AUTS2: variants seen among roughly 807,000 people sequenced by gnomAD.
AUTS2 encodes the protein autism susceptibility gene 2 protein.
In AUTS2, 17 loss-of-function variants were observed where a neutral mutation model predicts 112.4. The ratio of observed to expected loss-of-function variants is 0.15; its 90% confidence interval spans 0.10 to 0.23. AUTS2 has a LOEUF of 0.23. AUTS2 is among the 10% of genes least tolerant of loss of function. AUTS2 has a pLI of 1.00. For synonymous variants in AUTS2, 751 were observed against 702.7 expected (o/e 1.07, Z -1.09); for missense variants, 1,510 against 1,701.6 (o/e 0.89, Z 1.98).
At chr7:70,216,959 G>T (rs949496898) in intron 4 of AUTS2, among the ~76,000 whole-genome samples, 2 of 152,042 alleles carry the variant, frequency 1.3e-5, no homozygotes, top group African/African-American at 4.8e-5. Flanking sequence ...ACCCAGGCTG[G>T]AGTGCAGTGG....
At chr7:69,828,317 A>G (rs1791345558) in intron 1 of AUTS2, among the ~76,000 whole-genome samples, 1 of 152,222 alleles carries the variant, frequency 6.6e-6, no homozygotes, top group Admixed American at 6.5e-5. Flanking sequence ...GAAGAGAAGT[A>G]TAATTTCTAT....
intron 1 of AUTS2, among the ~76,000 whole-genome samples, chr7:69,851,288 C>G (rs1792469421): frequency 6.6e-6 from 1 of 152,162 alleles, no homozygotes; most frequent in South Asian, 2.1e-4. Context: ...AGTGATTCCT[C>G]TTACTGTATT....
intron 1 of AUTS2, among the ~76,000 whole-genome samples, chr7:69,683,158 C>T (rs1796883420): frequency 6.6e-6 from 1 of 152,136 alleles, no homozygotes; most frequent in Admixed American, 6.5e-5. Flanking sequence ...ATTGGTTTGA[C>T]CAGGCTTGTC....
At chr7:69,887,968 G>A (rs1337985249) in intron 1 of AUTS2, among the ~76,000 whole-genome samples, 1 of 151,974 alleles carries the variant, frequency 6.6e-6, no homozygotes, top group Non-Finnish European at 1.5e-5. Context: ...TGGTTTATCC[G>A]GGATATGGAT....
rs534670121 is a variant in AUTS2, at chr7:69,984,533, AT to A, written c.522+85044del. ...GAGTTATTAGGACCAGTGAGCATGC[AT>A]TTTTTTTTACCGTCTTGATTGTATT... On this transcript the variant is annotated intron_variant, in intron 2 of 18. Transcript: ENST00000342771. 5.7e-3 allele frequency among the ~76,000 whole-genome samples: 853 copies of A among 150,684 alleles called. 5 individuals are homozygous for A. Among genetic ancestry groups the A allele is most frequent in the Non-Finnish European group, 9.3e-3 (632 of 67,610 alleles).
At chr7:70,323,384 C>T (rs1790344404) in intron 4 of AUTS2, among the ~76,000 whole-genome samples, 1 of 152,052 alleles carries the variant, frequency 6.6e-6, no homozygotes, top group Non-Finnish European at 1.5e-5. Flanking sequence ...CCAGTGTACG[C>T]CTTGTCACCC....
At chr7:69,988,040 T>C (rs1259510191) in intron 2 of AUTS2, among the ~76,000 whole-genome samples, 6 of 152,180 alleles carry the variant, frequency 3.9e-5, no homozygotes, top group Non-Finnish European at 7.3e-5. Flanking sequence ...AGATAATACA[T>C]CTACAGCCTT....
chr7:70,237,566 A>G (rs758138375), intron 4 of AUTS2, among the ~76,000 whole-genome samples: 4 of 152,186 alleles, frequency 2.6e-5, no homozygotes, highest in East Asian at 1.9e-4. Flanking sequence ...AATACCTTCA[A>G]AATACCAAAT....
chr7:70,521,670 A>T (rs1036305803), intron 5 of AUTS2, among the ~76,000 whole-genome samples: 1 of 152,240 alleles, frequency 6.6e-6, no homozygotes, highest in Non-Finnish European at 1.5e-5. Flanking sequence ...TTTGATTAGG[A>T]CATGAGAAGT....
intron 1 of AUTS2, among the ~76,000 whole-genome samples, chr7:69,764,227 G>C (rs181045348): frequency 6.6e-6 from 1 of 152,264 alleles, no homozygotes; most frequent in African/African-American, 2.4e-5. Context: ...GGTGAATACT[G>C]GACAGTAATT....
At chr7:70,518,555 G>T (rs371994436) in intron 5 of AUTS2, among the ~76,000 whole-genome samples, 3 of 152,140 alleles carry the variant, frequency 2.0e-5, no homozygotes, top group Non-Finnish European at 2.9e-5. Flanking sequence ...GTGGTGGCGG[G>T]TGCCTGTAGT....
chr7:70,060,373 A>G (rs1346488497), intron 2 of AUTS2, among the ~76,000 whole-genome samples: 1 of 152,228 alleles, frequency 6.6e-6, no homozygotes, highest in Non-Finnish European at 1.5e-5. Context: ...AAGCAAAAGT[A>G]TAGCAGCCTC....
intron 4 of AUTS2, among the ~76,000 whole-genome samples, chr7:70,169,385 C>T (rs140800976): frequency 4.9e-4 from 74 of 152,156 alleles, no homozygotes; most frequent in African/African-American, 1.6e-3. Flanking sequence ...CGGCTACAGA[C>T]ACGTGTCACC....
chr7:70,657,881 G>A (rs752007508), intron 5 of AUTS2, among the ~76,000 whole-genome samples: 2 of 152,132 alleles, frequency 1.3e-5, no homozygotes, highest in Non-Finnish European at 2.9e-5. Context: ...GGGGGCCCTT[G>A]GAGGATTGCT....
At chr7:70,684,188 C>A (rs1808343054) in intron 5 of AUTS2, among the ~76,000 whole-genome samples, 1 of 151,464 alleles carries the variant, frequency 6.6e-6, no homozygotes, top group Non-Finnish European at 1.5e-5. Context: ...ATGCAGGAGT[C>A]AAATTTTCAG....
intron 2 of AUTS2, among the ~76,000 whole-genome samples, chr7:69,925,472 G>C (rs928173051): frequency 1.3e-5 from 2 of 152,102 alleles, no homozygotes; most frequent in African/African-American, 4.8e-5. Context: ...AGTACTTTCT[G>C]ATTTCCCTTG....
chr7:70,239,306 T>A (rs901403427), intron 4 of AUTS2, among the ~76,000 whole-genome samples: 6 of 152,184 alleles, frequency 3.9e-5, no homozygotes, highest in Non-Finnish European at 2.9e-5. Context: ...ATATGTCTTT[T>A]GAGAAGATGA....
intron 5 of AUTS2, among the ~76,000 whole-genome samples, chr7:70,554,443 C>T (rs1801163797): frequency 7.1e-6 from 1 of 140,602 alleles, no homozygotes; most frequent in Non-Finnish European, 1.5e-5. Context: ...AGGCTGGTCA[C>T]AAACCAAAAA....
chr7:70,619,418 G>A (rs186052273), intron 5 of AUTS2, among the ~76,000 whole-genome samples: 3 of 152,132 alleles, frequency 2.0e-5, no homozygotes, highest in African/African-American at 4.8e-5. Context: ...GAGTGCGTGC[G>A]GCCTGCCATG....
Sources: gnomAD v4.1 joint callset for allele counts (sites outside exome capture counted in the v4.1 genomes callset) on GRCh38, gnomAD v4.1.1 for gene constraint, MANE v1.5 for transcripts, NCBI Gene and HGNC (gene_info 2026-07-23, HGNC 2026-07-21) for gene names.